Variants in WWOX observed in about 807,000 individuals in gnomAD.
WWOX encodes the protein WW domain-containing oxidoreductase.
A neutral mutation model predicts 46.2 loss-of-function variants in WWOX; 69 were observed. That is an observed-to-expected ratio of 1.49 (90% confidence interval 1.23 to 1.82). The LOEUF (loss-of-function observed/expected upper bound fraction) is 1.82. Among genes scored for constraint, WWOX ranks in the 40% most tolerant of loss-of-function variants. WWOX has a pLI of 0.00. For missense variants in WWOX, 919 were observed against 542.6 expected, an observed-to-expected ratio of 1.69 and a Z score of -6.89; for synonymous variants, 359 against 202.6, an observed-to-expected ratio of 1.77 and a Z score of -6.56.
At chr16:78,702,715 TAGAAAGAGAACATGAATTG>T (rs898129692) in intron 8 of WWOX, among the ~76,000 whole-genome samples, 13 of 150,906 alleles carry the variant, frequency 8.6e-5, no homozygotes, top group African/African-American at 3.2e-4. Context: ...AGCCAAAGGT[TAGAAAGAGAACATGAATTG>T]AGAATGGAAA....
chr16:78,159,588 G>A lies in WWOX; in HGVS notation c.410-4595G>A, dbSNP rs566419123. 5.3e-5 allele frequency among the ~76,000 whole-genome samples: 8 copies of A among 151,316 alleles called. No homozygotes were observed. In the South Asian group the frequency reaches 1.7e-3, roughly 32 times the overall value. On this transcript the variant is annotated intron_variant, in intron 4 of 8. Coordinates refer to ENST00000566780, the MANE Select transcript of WWOX (RefSeq NM_016373.4). The stretch of plus-strand genomic sequence containing the variant: ...TTTTCCTGAGAATTAGTGACAGTGA[G>A]CCCCTTTTCATACACTTGGCTATTT...
chr16:78,110,375 G>T (rs1377273487), intron 3 of WWOX, among the ~76,000 whole-genome samples: 1 of 149,786 alleles, frequency 6.7e-6, no homozygotes, highest in Non-Finnish European at 1.5e-5. Flanking sequence ...GGAATGCACT[G>T]TGTGGACTGT....
intron 8 of WWOX, among the ~76,000 whole-genome samples, chr16:78,486,437 A>G (rs955922024): frequency 6.6e-6 from 1 of 152,170 alleles, no homozygotes; most frequent in African/African-American, 2.4e-5. Flanking sequence ...ATCTACTTTA[A>G]TACTTAATAA....
intron 5 of WWOX, among the ~76,000 whole-genome samples, chr16:78,171,868 T>C (rs1422946293): frequency 1.3e-5 from 2 of 152,236 alleles, no homozygotes; most frequent in African/African-American, 4.8e-5. Context: ...AGTTCTTCTT[T>C]GGGGCGTTTG....
chr16:78,680,013 A>G (rs974095325), intron 8 of WWOX, among the ~76,000 whole-genome samples: 2 of 152,208 alleles, frequency 1.3e-5, no homozygotes, highest in Admixed American at 6.5e-5. Flanking sequence ...ATGCGCTCCT[A>G]TCGGTTCTTT....
At chr16:78,624,045 C>T (rs906376474) in intron 8 of WWOX, among the ~76,000 whole-genome samples, 2 of 152,190 alleles carry the variant, frequency 1.3e-5, no homozygotes, top group African/African-American at 2.4e-5. Flanking sequence ...CCCACAGCAT[C>T]TTGCACGTAG....
At chr16:79,152,272 G>T (rs892778263) in intron 8 of WWOX, among the ~76,000 whole-genome samples, 1 of 152,166 alleles carries the variant, frequency 6.6e-6, no homozygotes, top group African/African-American at 2.4e-5. Context: ...GTACAGGCTG[G>T]CTGGACCATG....
At chr16:78,650,044 C>A (rs1314037917) in intron 8 of WWOX, among the ~76,000 whole-genome samples, 1 of 152,100 alleles carries the variant, frequency 6.6e-6, no homozygotes, top group Non-Finnish European at 1.5e-5. Context: ...GCCTATTGTA[C>A]TTTATCTGTG....
chr16:79,106,176 A>G (rs2049304260), intron 8 of WWOX, among the ~76,000 whole-genome samples: 1 of 152,218 alleles, frequency 6.6e-6, no homozygotes, highest in East Asian at 1.9e-4. Context: ...CCAGCCGTCT[A>G]TATTTCAGCA....
At chr16:78,933,481 G>T (rs1456942195) in intron 8 of WWOX, among the ~76,000 whole-genome samples, 1 of 152,218 alleles carries the variant, frequency 6.6e-6, no homozygotes, top group Non-Finnish European at 1.5e-5. Context: ...TGACATAACA[G>T]TTCTGAAGAC....
intron 8 of WWOX, among the ~76,000 whole-genome samples, chr16:78,548,333 G>T (rs1157144383): frequency 9.8e-6 from 1 of 101,866 alleles, no homozygotes; most frequent in Admixed American, 1.2e-4. Flanking sequence ...ATTAATTTTT[G>T]TTCCTAAAGA....
intron 8 of WWOX, among the ~76,000 whole-genome samples, chr16:78,851,100 T>C (rs994266874): frequency 1.3e-4 from 20 of 152,126 alleles, no homozygotes; most frequent in Non-Finnish European, 2.8e-4. Context: ...TCCAGAAGCT[T>C]GCCTGTGGTA....
chr16:79,065,861 A>G (rs1456462119), intron 8 of WWOX, among the ~76,000 whole-genome samples: 1 of 152,144 alleles, frequency 6.6e-6, no homozygotes, highest in Non-Finnish European at 1.5e-5. Context: ...ATGCTGTCAT[A>G]TTCCTCTTAT....
In WWOX at chr16:78,164,228, T is replaced by C. The variant is rs2303192; in HGVS notation, c.455T>C (p.Ile152Thr). 1.2e-6 allele frequency: 2 copies of C among 1,614,186 alleles called. No individual in the cohort carries two copies. The highest frequency in any genetic ancestry group is 4.5e-5 in the East Asian group (2 of 44,880). Residue 152 changes from isoleucine (I) to threonine (T), a missense_variant, in exon 5 of 9, where the codon ATC becomes ACC. Coordinates refer to ENST00000566780, the MANE Select transcript of WWOX (RefSeq NM_016373.4). Reference protein sequence around the residue: ...KSFALHGAHVILACRNMARAS... With the variant: ...KSFALHGAHVTLACRNMARAS... Reference sequence around the variant, plus strand: ...TTTGCCCTCCATGGTGCACATGTGATCTTGGCCTGCAGGAACATGGCAAGG... The same window carrying C: ...TTTGCCCTCCATGGTGCACATGTGACCTTGGCCTGCAGGAACATGGCAAGG...
chr16:78,754,833 C>G (rs776475978), intron 8 of WWOX, among the ~76,000 whole-genome samples: 4 of 152,180 alleles, frequency 2.6e-5, no homozygotes, highest in Non-Finnish European at 4.4e-5. Context: ...GGCCTGGGAG[C>G]TGTACTACCT....
chr16:78,219,835 T>G (rs538235964), intron 5 of WWOX, among the ~76,000 whole-genome samples: 15 of 152,322 alleles, frequency 9.8e-5, no homozygotes, highest in African/African-American at 7.2e-5. Flanking sequence ...TCCTGTTCTC[T>G]TGTTTTATCT....
At chr16:79,134,118 G>A (rs1417880202) in intron 8 of WWOX, among the ~76,000 whole-genome samples, 1 of 151,918 alleles carries the variant, frequency 6.6e-6, no homozygotes, top group African/African-American at 2.4e-5. Flanking sequence ...TGCTGATCTG[G>A]GTGAGGTCAC....
At chr16:78,638,346 G>T (rs2046624124) in intron 8 of WWOX, among the ~76,000 whole-genome samples, 1 of 152,104 alleles carries the variant, frequency 6.6e-6, no homozygotes, top group Admixed American at 6.5e-5. Flanking sequence ...TCTCTATTCA[G>T]TTGCCCAGCT....
At chr16:78,479,505 T>C (rs1486157049) in intron 8 of WWOX, among the ~76,000 whole-genome samples, 1 of 152,178 alleles carries the variant, frequency 6.6e-6, no homozygotes, top group Non-Finnish European at 1.5e-5. Flanking sequence ...CTGTGAAGAT[T>C]ATGGTTTTTG....
Sources: gnomAD v4.1 joint callset for allele counts (sites outside exome capture counted in the v4.1 genomes callset) on GRCh38, gnomAD v4.1.1 for gene constraint, MANE v1.5 for transcripts, NCBI Gene and HGNC (gene_info 2026-07-23, HGNC 2026-07-21) for gene names.